EPHA1: variants seen among roughly 807,000 people sequenced by gnomAD.
The protein encoded by EPHA1 is ephrin type-A receptor 1.
EPHA1 carries 92 observed loss-of-function variants against 110.1 expected under a neutral mutation model. The observed-to-expected ratio is 0.84, with a 90% CI of 0.71 to 0.99. EPHA1 has a LOEUF of 0.99. Among genes scored for constraint, EPHA1 ranks in the 50% least tolerant of loss-of-function variants. The probability of loss-of-function intolerance (pLI) is 0.00; values close to 1 mark genes in which losing one functional copy is unlikely to be tolerated. For synonymous variants in EPHA1, 500 were observed against 516.1 expected, an observed-to-expected ratio of 0.97 and a Z score of 0.42; for missense variants, 1,204 against 1,285.4, an observed-to-expected ratio of 0.94 and a Z score of 0.97.
At chr7:143,404,675 C>T (rs1426930592) in intron 2 of EPHA1, among the ~76,000 whole-genome samples, 1 of 151,538 alleles carries the variant, frequency 6.6e-6, no homozygotes, top group African/African-American at 2.4e-5. Flanking sequence ...TCTATCCTGT[C>T]CCATTAACCT....
At chr7:143,397,167 C>T (rs1805273407) in intron 10 of EPHA1, 137 bp downstream of exon 10, 2 of 1,055,562 alleles carry the variant, frequency 1.9e-6, no homozygotes, top group Non-Finnish European at 2.7e-6. Context: ...GGACAACAAA[C>T]CCCACATGTG....
intron 16 of EPHA1, among the ~76,000 whole-genome samples, chr7:143,392,558 C>T (rs781552192): frequency 6.6e-6 from 1 of 150,416 alleles, no homozygotes; most frequent in African/African-American, 2.5e-5. Flanking sequence ...GCTCCCCCAC[C>T]CCCCCATCAG....
At chr7:143,397,184 G>A in intron 10 of EPHA1, 120 bp downstream of exon 10, 1 of 1,220,106 alleles carries the variant, frequency 8.2e-7, no homozygotes, top group Non-Finnish European at 1.1e-6. Context: ...TGTGCCCCCA[G>A]AGTTGGCCTA....
chr7:143,391,352 CCTAGT>C lies in EPHA1; in HGVS notation c.*100_*104del. The C allele has an allele frequency of 8.8e-6, 12 of 1,365,378 alleles. No individual in the cohort carries two copies. Among genetic ancestry groups the C allele is most frequent in the Admixed American group, 2.0e-5 (1 of 49,888 alleles). 84.6% of individuals were successfully genotyped at this position (1,365,378 alleles called of 1,614,324 possible). The stretch of plus-strand genomic sequence containing the variant: ...AAGTGGGCAGAAGCAGCACCGATAG[CCTAGT>C]CTGGCAGGTTGTGGGAAGGGGCGCA... On this transcript the variant is annotated 3_prime_UTR_variant, in exon 18 of 18. Coordinates refer to ENST00000275815, the MANE Select transcript of EPHA1 (RefSeq NM_005232.5).
Position 143,393,656 on chromosome 7 carries a change from C to A in EPHA1, c.2696+15G>T. ...GCTGCCTCTGGGTTCCCTAGTCCTTCCCCTGCATGGTTACCTGGGGTCAAA... is the reference window on the plus strand; with the variant it reads ...GCTGCCTCTGGGTTCCCTAGTCCTTACCCTGCATGGTTACCTGGGGTCAAA... On this transcript the variant is annotated intron_variant, in intron 16 of 17. Transcript: ENST00000275815. This position sits in a 1 kb window ranked among gnomAD's most constrained non-coding sequence, Gnocchi z 5.6. The A allele has an allele frequency of 6.2e-7, 1 of 1,611,782 alleles. No individual in the cohort carries two copies. Among genetic ancestry groups the A allele is most frequent in the Admixed American group, 1.7e-5 (1 of 59,796 alleles).
chr7:143,398,718 T>C lies in EPHA1; in HGVS notation c.1219A>G (p.Asn407Asp), dbSNP rs1389778296. 1.9e-6 allele frequency: 3 copies of C among 1,613,986 alleles called. No individual in the cohort carries two copies. Among genetic ancestry groups the C allele is most frequent in the South Asian group, 1.1e-5 (1 of 91,092 alleles). The change falls in exon 6 of 18, where the codon AAT (asparagine) becomes GAT (aspartate). Residue 407 changes from asparagine (N) to aspartate (D), a missense_variant. Asn to Asp is a conservative substitution (Grantham distance 23). Coordinates refer to ENST00000275815, the MANE Select transcript of EPHA1 (RefSeq NM_005232.5). ...RGLTTPAVHV[N>D]GLEPYANYTF... Reference sequence around the variant, plus strand: ...TAGTTGGCATAAGGTTCAAGGCCATTGACATGCACTGCAGGTGTGGTGAGC... The same window carrying C: ...TAGTTGGCATAAGGTTCAAGGCCATCGACATGCACTGCAGGTGTGGTGAGC...
In EPHA1 at chr7:143,397,448, G is replaced by C. The variant is rs772324191; in HGVS notation, c.1713-86C>G. 2.7e-4 allele frequency: 429 copies of C among 1,581,298 alleles called. 1 individual carries two copies. Among genetic ancestry groups the C allele is most frequent in the Non-Finnish European group, 5.0e-5 (58 of 1,158,764 alleles). Reference sequence around the variant, plus strand: ...CTCTGGCTGAATCTTCCCCAGAAACGGGCTGGGAGTGCAGGATGGGTTTTG... The same window carrying C: ...CTCTGGCTGAATCTTCCCCAGAAACCGGCTGGGAGTGCAGGATGGGTTTTG... On this transcript the variant is annotated intron_variant, in intron 9 of 17. Coordinates refer to ENST00000275815, the MANE Select transcript of EPHA1 (RefSeq NM_005232.5).
In EPHA1 at chr7:143,398,035, C is replaced by T. The variant is rs1438093341; in HGVS notation, c.1500G>A (p.Arg500=). Residue 500 remains arginine, a synonymous_variant, in exon 8 of 18, where the codon AGG becomes AGA. Transcript: ENST00000275815. ...EERYQMVLEP[R]VLLTELQPDT... ...CAGGCTGCAGCTCTGTCAGCAAGAC[C>T]CTGGGTTCTAGAACCATCTGGTACC... The T allele has an allele frequency of 6.2e-6, 10 of 1,614,042 alleles. No individual in the cohort carries two copies. Among genetic ancestry groups the T allele is most frequent in the Non-Finnish European group, 8.5e-6 (10 of 1,179,998 alleles).
At position 143,401,473 on chromosome 7, in the gene EPHA1, C is replaced by G. The variant is rs201228574; in HGVS notation, c.283G>C (p.Val95Leu). Residue 95 changes from valine to leucine, a missense_variant, in exon 3 of 18, where the codon GTC (valine) becomes CTC (leucine). Val to Leu is a conservative substitution (Grantham distance 32). Transcript: ENST00000275815. This position sits in a 1 kb window ranked among gnomAD's most constrained non-coding sequence, Gnocchi z 4.1. ...WIYRGEEASR[V>L]HVELQFTVRD... ...ACGGTGAACTGCAGCTCCACGTGGA[C>G]GCGGGAAGCCTCCTCCCCGCGGTAG... The G allele has an allele frequency of 6.2e-6, 10 of 1,614,090 alleles. No individual in the cohort carries two copies. Among genetic ancestry groups the G allele is most frequent in the South Asian group, 1.1e-5 (1 of 91,086 alleles).
chr7:143,393,001 G>A lies in EPHA1; in HGVS notation c.2696+670C>T, dbSNP rs1409960977. Among the ~76,000 whole-genome samples, 2 of 152,104 alleles carry A rather than the reference G, an allele frequency of 1.3e-5. No homozygotes were observed. The highest frequency in any genetic ancestry group is 1.5e-5 in the Non-Finnish European group (1 of 68,010). Reference sequence around the variant, plus strand: ...GGTAAAATCCAAACTTCTCAACAGGGCTGGTCCTCTTTGTGTTGACTGGTT... The same window carrying A: ...GGTAAAATCCAAACTTCTCAACAGGACTGGTCCTCTTTGTGTTGACTGGTT... On this transcript the variant is annotated intron_variant, in intron 16 of 17. Coordinates refer to ENST00000275815, the MANE Select transcript of EPHA1 (RefSeq NM_005232.5). The surrounding 1 kb of genome is among the most constrained non-coding windows in gnomAD (Gnocchi z 5.6).
Position 143,398,311 on chromosome 7 carries a change from G to A in EPHA1, c.1464+10C>T. 1 of 1,613,876 alleles carries A rather than the reference G, an allele frequency of 6.2e-7. No homozygotes were observed. Among genetic ancestry groups the A allele is most frequent in the Non-Finnish European group, 8.5e-7 (1 of 1,179,924 alleles). On this transcript the variant is annotated intron_variant, in intron 7 of 17. Transcript: ENST00000275815. Reference sequence around the variant, plus strand: ...GGACACTGAAGACCATCTCTCAGTAGCATCCTGACCTGGTTCAGCACGTGC... The same window carrying A: ...GGACACTGAAGACCATCTCTCAGTAACATCCTGACCTGGTTCAGCACGTGC...
chr7:143,401,224 C>T lies in EPHA1; in HGVS notation c.432+100G>A. 8.9e-6 allele frequency: 13 copies of T among 1,458,018 alleles called. No homozygotes were observed. The highest frequency in any genetic ancestry group is 1.2e-5 in the Non-Finnish European group (13 of 1,080,484). 90.3% of individuals were successfully genotyped at this position (1,458,018 alleles called of 1,614,324 possible). A position where few individuals can be genotyped will look rare whatever the true frequency, so the allele number is the denominator to read the frequency against. On this transcript the variant is annotated intron_variant, in intron 3 of 17. Coordinates refer to ENST00000275815, the MANE Select transcript of EPHA1 (RefSeq NM_005232.5). This position sits in a 1 kb window ranked among gnomAD's most constrained non-coding sequence, Gnocchi z 4.1. ...CGCCAAATTCTTTTCAAGATTCTACCTCTGCACCCTCTTCCTGTCTCTGCA... is the reference window on the plus strand; with the variant it reads ...CGCCAAATTCTTTTCAAGATTCTACTTCTGCACCCTCTTCCTGTCTCTGCA...
chr7:143,407,735 C>A (rs1805594833), intron 1 of EPHA1, 57 bp from the exon 2 acceptor site: 1 of 1,493,136 alleles, frequency 6.7e-7, no homozygotes, highest in Non-Finnish European at 9.3e-7. Context: ...GCCCCTGCAG[C>A]CCACATTAAT....
rs139711610 is a variant in EPHA1, at chr7:143,394,324, C to T, written c.2372G>A (p.Arg791His). 272 of 1,613,968 alleles carry T rather than the reference C, an allele frequency of 1.7e-4. 1 individual carries two copies. In the African/African-American group the frequency reaches 2.8e-3, roughly 16 times the overall value. Reference sequence around the variant, plus strand: ...GGCAATGGCTTCAGGGGCTGTCCAACGGATAGGGATCTTTCCTCCCTAAGA... The same window carrying T: ...GGCAATGGCTTCAGGGGCTGTCCAATGGATAGGGATCTTTCCTCCCTAAGA... ...YETQGGKIPI[R>H]WTAPEAIAHR... The change falls in exon 15 of 18, where the codon CGT becomes CAT. Residue 791 changes from arginine to histidine, a missense_variant. Transcript: ENST00000275815.
At chr7:143,408,295 C>G (rs1389559030) in intron 1 of EPHA1, among the ~76,000 whole-genome samples, 5 of 152,212 alleles carry the variant, frequency 3.3e-5, no homozygotes, top group Non-Finnish European at 7.3e-5. Flanking sequence ...AGTCCTAACC[C>G]TTCTCCCGGA....
chr7:143,403,442 A>G (rs2116635190), intron 2 of EPHA1, among the ~76,000 whole-genome samples: 1 of 152,242 alleles, frequency 6.6e-6, no homozygotes, highest in South Asian at 2.1e-4. Context: ...AAAGCAATCC[A>G]TAAGTAATAC....
chr7:143,408,452 G>A (rs1805616616), intron 1 of EPHA1, among the ~76,000 whole-genome samples: 1 of 152,026 alleles, frequency 6.6e-6, no homozygotes, highest in Non-Finnish European at 1.5e-5. Flanking sequence ...CTACTTCCTG[G>A]CAAGGGTCCG....
chr7:143,402,077 T>G (rs1417026803), intron 2 of EPHA1, among the ~76,000 whole-genome samples: 1 of 148,322 alleles, frequency 6.7e-6, no homozygotes, highest in Non-Finnish European at 1.5e-5. Context: ...GCCAACACAC[T>G]GGGCTATTTT....
chr7:143,395,095 C>G lies in EPHA1; in HGVS notation c.2145+26G>C, dbSNP rs1248761283. The stretch of plus-strand genomic sequence containing the variant: ...CAGGGTACCATGGTGCATCCCCCTC[C>G]CCAGCTAGTCCTCTGCCCTCCTCAC... On this transcript the variant is annotated intron_variant, in intron 13 of 17. Transcript: ENST00000275815. The surrounding 1 kb of genome is among the most constrained non-coding windows in gnomAD (Gnocchi z 4.7). 6.2e-7 allele frequency: 1 copy of G among 1,614,016 alleles called. No homozygotes were observed.
Sources: allele counts gnomAD v4.1 joint callset (sites outside exome capture counted in the v4.1 genomes callset), GRCh38; gene constraint gnomAD v4.1.1; non-coding constraint Gnocchi (gnomAD v3.1); transcripts MANE v1.5; gene names NCBI Gene and HGNC (gene_info 2026-07-23, HGNC 2026-07-21).